Variants in CNTN4 observed in about 807,000 individuals in gnomAD.
CNTN4 encodes the protein contactin-4.
Under a neutral mutation model 122.5 loss-of-function variants are expected in CNTN4, and 77 were observed. The ratio of observed to expected loss-of-function variants is 0.63; its 90% confidence interval spans 0.52 to 0.76. The LOEUF (loss-of-function observed/expected upper bound fraction) is 0.76. Among genes scored for constraint, CNTN4 ranks in the 30% least tolerant of loss-of-function variants. CNTN4 has a pLI of 0.00. For synonymous variants in CNTN4, 512 were observed against 447.0 expected (o/e 1.15, Z -1.83); for missense variants, 1,256 against 1,259.1 (o/e 1.00, Z 0.04).
chr3:2,706,104 G>C (rs2086718790), intron 4 of CNTN4, among the ~76,000 whole-genome samples: 1 of 149,786 alleles, frequency 6.7e-6, no homozygotes, highest in African/African-American at 2.5e-5. Flanking sequence ...TTCTTTGGTA[G>C]AGATTAGACA....
At chr3:2,926,728 T>C (rs1301440420) in intron 13 of CNTN4, among the ~76,000 whole-genome samples, 2 of 152,232 alleles carry the variant, frequency 1.3e-5, no homozygotes, top group Non-Finnish European at 2.9e-5. Flanking sequence ...ATGATGATGG[T>C]GTTGTCCATT....
intron 4 of CNTN4, among the ~76,000 whole-genome samples, chr3:2,693,627 G>T (rs761232865): frequency 7.9e-5 from 12 of 152,108 alleles, no homozygotes; most frequent in Non-Finnish European, 1.8e-4. Flanking sequence ...TTAGTCTGGA[G>T]AGAAAAAATG....
chr3:2,523,462 A>G (rs1290651040), intron 3 of CNTN4, among the ~76,000 whole-genome samples: 1 of 151,958 alleles, frequency 6.6e-6, no homozygotes, highest in East Asian at 1.9e-4. Context: ...AAGTGAAGGT[A>G]CATTCAATGC....
intron 4 of CNTN4, among the ~76,000 whole-genome samples, chr3:2,694,285 T>C (rs1249173219): frequency 6.6e-6 from 1 of 152,218 alleles, no homozygotes; most frequent in African/African-American, 2.4e-5. Flanking sequence ...TGACAATGTC[T>C]AGCACAGTGC....
chr3:2,961,161 C>T (rs9829088), intron 13 of CNTN4, among the ~76,000 whole-genome samples: 12,009 of 131,244 alleles, frequency 0.092, 898 homozygotes, highest in African/African-American at 0.13. Flanking sequence ...ACCCGGGAGG[C>T]GGAGCTTGCA....
At chr3:2,779,706 C>T (rs1260401762) in intron 6 of CNTN4, among the ~76,000 whole-genome samples, 1 of 152,016 alleles carries the variant, frequency 6.6e-6, no homozygotes, top group Non-Finnish European at 1.5e-5. Context: ...TTAATACATA[C>T]CTTGTGACAT....
chr3:2,587,789 T>C (rs1012024057), intron 4 of CNTN4, among the ~76,000 whole-genome samples: 2 of 152,182 alleles, frequency 1.3e-5, no homozygotes, highest in African/African-American at 2.4e-5. Context: ...TTTTCAGTTA[T>C]TAGAAATTGC....
At chr3:2,501,169 C>T (rs1164512817) in intron 3 of CNTN4, among the ~76,000 whole-genome samples, 2 of 152,126 alleles carry the variant, frequency 1.3e-5, no homozygotes, top group Non-Finnish European at 2.9e-5. Flanking sequence ...GGAGGATAGA[C>T]ATGTCCCTAT....
intron 13 of CNTN4, among the ~76,000 whole-genome samples, chr3:2,981,335 T>C (rs1266566409): frequency 6.6e-6 from 1 of 151,748 alleles, no homozygotes; most frequent in South Asian, 2.1e-4. Context: ...TCCCAGCTAC[T>C]CGGGAGGCTG....
chr3:2,926,895 A>G (rs1448443284), intron 13 of CNTN4, among the ~76,000 whole-genome samples: 1 of 152,186 alleles, frequency 6.6e-6, no homozygotes, highest in African/African-American at 2.4e-5. Flanking sequence ...GAATGTTGAC[A>G]TGGCATTCAA....
At chr3:2,423,560 GTACC>G (rs889943981) in intron 3 of CNTN4, among the ~76,000 whole-genome samples, 1 of 146,594 alleles carries the variant, frequency 6.8e-6, no homozygotes, top group African/African-American at 2.5e-5. Flanking sequence ...TGACTAAAAT[GTACC>G]TTAAATTCAC....
At position 2,538,372 on chromosome 3, in the gene CNTN4, T is replaced by TC. The variant is rs139290051; in HGVS notation, c.-88-33043dup. ...GCCCTAACAAAGTCATGGAGTAAAC[T>TC]CTGGGATTAATCCCTTTCCCCAACA... On this transcript the variant is annotated intron_variant, in intron 3 of 24. Transcript: ENST00000418658. Among the ~76,000 whole-genome samples the TC allele has an allele frequency of 2.0e-3, 299 of 152,250 alleles. 1 individual carries two copies. Among genetic ancestry groups the TC allele is most frequent in the African/African-American group, 7.0e-3 (290 of 41,574 alleles).
rs982695026 is a variant in CNTN4 at position 2,600,022 on chromosome 3, T to G, written c.55+28464T>G. Among the ~76,000 whole-genome samples, 44 of 145,900 alleles carry G rather than the reference T, an allele frequency of 3.0e-4. 1 individual carries two copies. The highest frequency in any genetic ancestry group is 1.1e-3 in the African/African-American group (43 of 39,264). The stretch of plus-strand genomic sequence containing the variant: ...ATGGAATTCTTCTTTTTTTTTTTTT[T>G]TTTTTTTTTTTTTGCCAAAACATTC... On this transcript the variant is annotated intron_variant, in intron 4 of 24. Coordinates refer to ENST00000418658, the MANE Select transcript of CNTN4 (RefSeq NM_175607.3).
At chr3:2,708,486 A>T (rs2086879404) in intron 4 of CNTN4, among the ~76,000 whole-genome samples, 1 of 152,206 alleles carries the variant, frequency 6.6e-6, no homozygotes, top group Admixed American at 6.5e-5. Flanking sequence ...GAATTAGGTT[A>T]TCTCTAGCTG....
chr3:2,396,092 A>C (rs1449631814), intron 3 of CNTN4, among the ~76,000 whole-genome samples: 2 of 151,402 alleles, frequency 1.3e-5, no homozygotes, highest in Non-Finnish European at 2.9e-5. Flanking sequence ...TGACATGATC[A>C]TGGCTCACTG....
At chr3:2,666,079 G>C (rs1257035973) in intron 4 of CNTN4, among the ~76,000 whole-genome samples, 1 of 152,202 alleles carries the variant, frequency 6.6e-6, no homozygotes, top group Non-Finnish European at 1.5e-5. Flanking sequence ...GCAGCATGCA[G>C]GTTCACCTGC....
intron 2 of CNTN4, among the ~76,000 whole-genome samples, chr3:2,334,186 C>T (rs1160073917): frequency 1.3e-5 from 2 of 152,134 alleles, no homozygotes; most frequent in Non-Finnish European, 2.9e-5. Context: ...GAGATGGAGT[C>T]TCGCTCTGTC....
intron 14 of CNTN4, among the ~76,000 whole-genome samples, chr3:3,017,140 C>A (rs1225467039): frequency 1.3e-5 from 2 of 152,130 alleles, no homozygotes; most frequent in African/African-American, 4.8e-5. Context: ...ACTTATTGTT[C>A]TTTTTCCAAT....
chr3:2,275,947 A>G (rs1223572135), intron 2 of CNTN4, among the ~76,000 whole-genome samples: 32 of 145,220 alleles, frequency 2.2e-4, no homozygotes, highest in African/African-American at 7.6e-4. Flanking sequence ...ACAAAAAAAA[A>G]TATTAAATCT....
Sources: allele counts gnomAD v4.1 joint callset (sites outside exome capture counted in the v4.1 genomes callset), GRCh38; gene constraint gnomAD v4.1.1; transcripts MANE v1.5; gene names NCBI Gene and HGNC (gene_info 2026-07-23, HGNC 2026-07-21).